The following MYO18A variants were observed in gnomAD, a reference collection of about 807,000 sequenced individuals.
The protein encoded by MYO18A is myosin XVIIIA.
MYO18A carries 78 observed loss-of-function variants against 235.8 expected under a neutral mutation model. The observed-to-expected ratio is 0.33, with a 90% CI of 0.28 to 0.40. MYO18A has a LOEUF of 0.40. MYO18A is among the 10% of genes least tolerant of loss of function. The pLI is 1.00. For missense variants in MYO18A, 2,215 were observed against 2,699.3 expected, an observed-to-expected ratio of 0.82 and a Z score of 3.98; for synonymous variants, 977 against 1,077.8, an observed-to-expected ratio of 0.91 and a Z score of 1.83.
chr17:29,097,664 C>G, intron 26 of MYO18A, 124 bp downstream of exon 26: 1 of 833,352 alleles, frequency 1.2e-6, no homozygotes, highest in Non-Finnish European at 1.9e-6. Context: ...GCCTTCTCAT[C>G]TGTTTCTTTC....
intron 21 of MYO18A, among the ~76,000 whole-genome samples, chr17:29,101,948 G>T (rs2152796243): frequency 6.6e-6 from 1 of 152,268 alleles, no homozygotes; most frequent in Middle Eastern, 3.4e-3. Flanking sequence ...AGCCCCCCCA[G>T]AGTCCTTATT....
chr17:29,111,679 G>GT lies in MYO18A; in HGVS notation c.2740+42dup. 1 of 1,612,544 alleles carries GT rather than the reference G, an allele frequency of 6.2e-7. No homozygotes were observed. Among genetic ancestry groups the GT allele is most frequent in the Non-Finnish European group, 8.5e-7 (1 of 1,179,194 alleles). On this transcript the variant is annotated intron_variant, in intron 16 of 41. Coordinates refer to ENST00000527372, the MANE Select transcript of MYO18A (RefSeq NM_078471.4). The surrounding 1 kb of genome is among the most constrained non-coding windows in gnomAD (Gnocchi z 5.1). The stretch of plus-strand genomic sequence containing the variant: ...GAGTGCCACCTGGACCCACCTGTAT[G>GT]TAAGAGGAAGCAGAGGAGCTACCCT...
intron 2 of MYO18A, among the ~76,000 whole-genome samples, chr17:29,142,446 G>A (rs2152929753): frequency 6.6e-6 from 1 of 152,334 alleles, no homozygotes; most frequent in Non-Finnish European, 1.5e-5. Context: ...CACCTTTACT[G>A]ACTCTTACCC....
intron 31 of MYO18A, 102 bp from the exon 32 acceptor site, chr17:29,093,529 A>G: frequency 8.4e-6 from 7 of 829,860 alleles, no homozygotes; most frequent in Non-Finnish European, 1.2e-5. Context: ...ACAGTGGGGC[A>G]GGCCTGAGCA....
chr17:29,074,815 C>T lies in MYO18A; in HGVS notation c.6120G>A (p.Leu2040=). Residue 2040 remains leucine (L), a synonymous_variant, in exon 42 of 42, where the codon CTG becomes CTA. Transcript: ENST00000527372. This position sits in a 1 kb window ranked among gnomAD's most constrained non-coding sequence, Gnocchi z 4.4. ...TSRPRYSHSY[L]SDSDTEAKLT... ...GCTTGGCCTCTGTGTCGCTGTCACT[C>T]AGATAACTGTGGGAGTATCGCGGTC... 6.2e-7 allele frequency: 1 copy of T among 1,613,944 alleles called. No homozygotes were observed. The highest frequency in any genetic ancestry group is 8.5e-7 in the Non-Finnish European group (1 of 1,179,892).
At chr17:29,096,227 T>C (rs913306969) in intron 28 of MYO18A, among the ~76,000 whole-genome samples, 1 of 151,962 alleles carries the variant, frequency 6.6e-6, no homozygotes, top group Non-Finnish European at 1.5e-5. Flanking sequence ...GTTCCTAGGG[T>C]GTGTGGGTTC....
chr17:29,144,295 T>G (rs886645431), intron 2 of MYO18A, among the ~76,000 whole-genome samples: 24 of 152,226 alleles, frequency 1.6e-4, no homozygotes, highest in African/African-American at 5.8e-4. Context: ...ACTTTTCTAG[T>G]CTCTTCTCCC....
At position 29,073,769 on chromosome 17, in the gene MYO18A, C is replaced by T. The variant is rs945644233; in HGVS notation, c.*1001G>A. ...GGGCAGGGAGGTTGGAAGAATGACA[C>T]GGGCTCAGGACACAGAGTGAGGACT... On this transcript the variant is annotated 3_prime_UTR_variant, in exon 42 of 42. Coordinates refer to ENST00000527372, the MANE Select transcript of MYO18A (RefSeq NM_078471.4). The T allele has an allele frequency of 1.3e-5, 18 of 1,376,104 alleles. No individual in the cohort carries two copies. The highest frequency in any genetic ancestry group is 3.7e-4 in the Middle Eastern group (2 of 5,396). 85.2% of individuals were successfully genotyped at this position (1,376,104 alleles called of 1,614,324 possible).
chr17:29,151,224 A>T (rs770330932), intron 2 of MYO18A, among the ~76,000 whole-genome samples: 1 of 152,164 alleles, frequency 6.6e-6, no homozygotes, highest in Non-Finnish European at 1.5e-5. Flanking sequence ...ACAGAGCAAG[A>T]CCCCGTCTCA....
intron 2 of MYO18A, chr17:29,128,917 G>T: frequency 1.5e-6 from 1 of 672,904 alleles, no homozygotes; most frequent in Non-Finnish European, 2.3e-6. Context: ...CATTCTAGGT[G>T]AGCCCACTGC....
intron 22 of MYO18A, among the ~76,000 whole-genome samples, chr17:29,099,392 C>T (rs1044299835): frequency 3.3e-5 from 5 of 152,132 alleles, no homozygotes; most frequent in Admixed American, 2.0e-4. Context: ...GCCTATGATC[C>T]GGAGCCCACC....
intron 41 of MYO18A, chr17:29,080,801 A>C: frequency 1.0e-6 from 1 of 985,252 alleles, no homozygotes; most frequent in South Asian, 4.7e-5. Context: ...CTGCCTGGGC[A>C]TGGCTCCTCC....
rs1447091649 is a variant in MYO18A, at chr17:29,095,059, C to T, written c.4386G>A (p.Arg1462=). 6.5e-7 allele frequency: 1 copy of T among 1,536,058 alleles called. No homozygotes were observed. Among genetic ancestry groups the T allele is most frequent in the Non-Finnish European group, 8.8e-7 (1 of 1,138,518 alleles). The part of the protein sequence containing the change: ...RNHELEKKQR[R]FDSELSQAHE... Reference sequence around the variant, plus strand: ...GCGCCTGCGAGAGCTCACTGTCAAACCTGCGAGGGAGTGTGGCGGCTCCAT... The same window carrying T: ...GCGCCTGCGAGAGCTCACTGTCAAATCTGCGAGGGAGTGTGGCGGCTCCAT... The change falls in exon 29 of 42, where the codon AGG becomes AGA. Residue 1462 remains arginine, a splice_region_variant and synonymous_variant. Transcript: ENST00000527372.
chr17:29,118,274 C>G lies in MYO18A; in HGVS notation c.1894-85G>C. ...CCCTCAGGGCAAGGCTTGGGTAGAG[C>G]CAGCAGCTGGAGCTGGGCTCCCACT... On this transcript the variant is annotated intron_variant, in intron 9 of 41. Transcript: ENST00000527372. The surrounding 1 kb of genome is among the most constrained non-coding windows in gnomAD (Gnocchi z 4.2). 1 of 1,552,074 alleles carries G rather than the reference C, an allele frequency of 6.4e-7. No individual in the cohort carries two copies.
intron 2 of MYO18A, among the ~76,000 whole-genome samples, chr17:29,133,014 T>C (rs11867832): frequency 0.016 from 2,377 of 152,382 alleles, 74 homozygotes; most frequent in African/African-American, 0.054. Context: ...CACTCATTAC[T>C]GCACGCAGTG....
rs546434058 is a variant in MYO18A at position 29,111,326 on chromosome 17, C to T, written c.2900+98G>A. 3 of 1,393,682 alleles carry T rather than the reference C, an allele frequency of 2.2e-6. No homozygotes were observed. Among genetic ancestry groups the T allele is most frequent in the Non-Finnish European group, 2.9e-6 (3 of 1,019,478 alleles). The allele number at this position is 1,393,682 out of a possible 1,614,324, so 86.3% of individuals were successfully genotyped here. The stretch of plus-strand genomic sequence containing the variant: ...TCAGGAATAAAGGCCATCTACTTTG[C>T]TAGTGAGGGGGCCTCTGAGACAACC... On this transcript the variant is annotated intron_variant, in intron 17 of 41. Coordinates refer to ENST00000527372, the MANE Select transcript of MYO18A (RefSeq NM_078471.4). This position sits in a 1 kb window ranked among gnomAD's most constrained non-coding sequence, Gnocchi z 5.1.
intron 1 of MYO18A, among the ~76,000 whole-genome samples, chr17:29,176,933 C>A (rs1302383440): frequency 6.6e-6 from 1 of 152,196 alleles, no homozygotes; most frequent in Non-Finnish European, 1.5e-5. Context: ...ATCCCATCTC[C>A]CCCGGAAGGC....
At chr17:29,168,675 C>G (rs997937270) in intron 1 of MYO18A, among the ~76,000 whole-genome samples, 3 of 152,204 alleles carry the variant, frequency 2.0e-5, no homozygotes, top group Non-Finnish European at 4.4e-5. Flanking sequence ...CTCAGGAAGG[C>G]ATCAAGGTCA....
Position 29,073,683 on chromosome 17 carries a change from T to C in MYO18A, c.*1087A>G. 2.8e-6 allele frequency: 2 copies of C among 714,230 alleles called. No individual in the cohort carries two copies. The highest frequency in any genetic ancestry group is 2.3e-6 in the Non-Finnish European group (1 of 436,404). 44.2% of individuals were successfully genotyped at this position (714,230 alleles called of 1,614,324 possible). ...CTGGTGGAGTTCTCAGGGATAACCT[T>C]TTTAGGGTGGGGGCTGGGACCTCCA... On this transcript the variant is annotated 3_prime_UTR_variant, in exon 42 of 42. Coordinates refer to ENST00000527372, the MANE Select transcript of MYO18A (RefSeq NM_078471.4).
Sources: gnomAD v4.1 joint callset for allele counts (sites outside exome capture counted in the v4.1 genomes callset) on GRCh38, gnomAD v4.1.1 for gene constraint, Gnocchi (gnomAD v3.1) non-coding constraint, MANE v1.5 for transcripts, NCBI Gene and HGNC (gene_info 2026-07-23, HGNC 2026-07-21) for gene names.